Variants in FBXO11 observed in about 807,000 individuals in gnomAD.
The protein encoded by FBXO11 is F-box protein 11, also known as F-box only protein 11.
Under a neutral mutation model 117.0 loss-of-function variants are expected in FBXO11, and 13 were observed. The ratio of observed to expected loss-of-function variants is 0.11; its 90% CI spans 0.07 to 0.18. FBXO11 has a LOEUF of 0.18. Among genes scored for constraint, FBXO11 ranks in the 10% least tolerant of loss-of-function variants. FBXO11 has a pLI of 1.00. For synonymous variants in FBXO11, 490 were observed against 380.5 expected, an observed-to-expected ratio of 1.29 and a Z score of -3.35; for missense variants, 767 against 1,164.4, an observed-to-expected ratio of 0.66 and a Z score of 4.97.
intron 1 of FBXO11, among the ~76,000 whole-genome samples, chr2:47,897,232 G>A (rs1291174709): frequency 2.6e-5 from 4 of 152,082 alleles, no homozygotes; most frequent in East Asian, 1.9e-4. Flanking sequence ...ATGAATGGAA[G>A]ATAGAAAAAT....
At chr2:47,826,922 T>C (rs1671797108) in intron 11 of FBXO11, among the ~76,000 whole-genome samples, 1 of 152,198 alleles carries the variant, frequency 6.6e-6, no homozygotes, top group Admixed American at 6.5e-5. Flanking sequence ...TACATTTACA[T>C]TAGGTTTACC....
chr2:47,851,014 A>G (rs1187059740), intron 1 of FBXO11, among the ~76,000 whole-genome samples: 1 of 152,234 alleles, frequency 6.6e-6, no homozygotes, highest in Non-Finnish European at 1.5e-5. Flanking sequence ...AGTAACTTCC[A>G]AAGATTTAAA....
intron 1 of FBXO11, among the ~76,000 whole-genome samples, chr2:47,881,839 C>G (rs1304691879): frequency 6.6e-6 from 1 of 152,090 alleles, no homozygotes; most frequent in African/African-American, 2.4e-5. Flanking sequence ...CATCTACCTC[C>G]CAGGTTCAAG....
intron 1 of FBXO11, among the ~76,000 whole-genome samples, chr2:47,853,472 T>C (rs1674036747): frequency 6.6e-6 from 1 of 152,178 alleles, no homozygotes; most frequent in Non-Finnish European, 1.5e-5. Context: ...TATTAATAGG[T>C]AGCTCCTCAG....
rs143461000 is a variant in FBXO11 at position 47,857,138 on chromosome 2, C to G, written c.233-17369G>C. On this transcript the variant is annotated intron_variant, in intron 1 of 22. Transcript: ENST00000403359. Reference sequence around the variant, plus strand: ...TTGCACACAATTCTTTTAATTAGGGCACCAGATTTCCAAGTCTGCATACCT... The same window carrying G: ...TTGCACACAATTCTTTTAATTAGGGGACCAGATTTCCAAGTCTGCATACCT... 1.4e-4 allele frequency among the ~76,000 whole-genome samples: 21 copies of G among 152,290 alleles called. 1 individual carries two copies. The highest frequency in any genetic ancestry group is 4.8e-4 in the African/African-American group (20 of 41,564).
chr2:47,900,732 G>A (rs1354993901), intron 1 of FBXO11, among the ~76,000 whole-genome samples: 3 of 89,096 alleles, frequency 3.4e-5, no homozygotes, highest in African/African-American at 1.3e-4. Context: ...ATACACACAC[G>A]TGTATATATA....
At chr2:47,901,344 A>G (rs1450405980) in intron 1 of FBXO11, among the ~76,000 whole-genome samples, 1 of 151,668 alleles carries the variant, frequency 6.6e-6, no homozygotes, top group Non-Finnish European at 1.5e-5. Flanking sequence ...TCACAATTAG[A>G]TTTTCAGCAC....
chr2:47,853,603 G>C (rs1319775377), intron 1 of FBXO11, among the ~76,000 whole-genome samples: 1 of 152,010 alleles, frequency 6.6e-6, no homozygotes. Context: ...CTGTTATCTT[G>C]CATAAGTACC....
chr2:47,851,464 T>G (rs1377451141), intron 1 of FBXO11, among the ~76,000 whole-genome samples: 1 of 152,098 alleles, frequency 6.6e-6, no homozygotes, highest in Non-Finnish European at 1.5e-5. Flanking sequence ...CCTGACCTCA[T>G]GCTCCACCCA....
intron 1 of FBXO11, among the ~76,000 whole-genome samples, chr2:47,893,923 T>A (rs568088000): frequency 6.6e-6 from 1 of 152,234 alleles, no homozygotes; most frequent in Non-Finnish European, 1.5e-5. Context: ...AAGGGCAGTC[T>A]CCTCCACACT....
At position 47,882,709 on chromosome 2, in the gene FBXO11, T is replaced by TG. The variant is rs1676523436; in HGVS notation, c.232+22779dup. On this transcript the variant is annotated intron_variant, in intron 1 of 22. Coordinates refer to ENST00000403359, the MANE Select transcript of FBXO11 (RefSeq NM_001190274.2). ...CTCTGTTGCCCAGGCTCAAGTGCAG[T>TG]GGGGCAATTTTGGCTTATTGCAATC... Among the ~76,000 whole-genome samples, 3 of 152,200 alleles carry TG rather than the reference T, an allele frequency of 2.0e-5. No individual in the cohort carries two copies. The South Asian group carries it at 6.2e-4, about 32-fold the overall frequency.
intron 1 of FBXO11, among the ~76,000 whole-genome samples, chr2:47,882,998 G>A (rs1676548616): frequency 6.6e-6 from 1 of 152,032 alleles, no homozygotes; most frequent in South Asian, 2.1e-4. Flanking sequence ...CACATTTTAT[G>A]TCCTCCTGTT....
intron 1 of FBXO11, among the ~76,000 whole-genome samples, chr2:47,898,359 T>A (rs930147469): frequency 6.6e-6 from 1 of 152,174 alleles, no homozygotes; most frequent in African/African-American, 2.4e-5. Flanking sequence ...AAGCTACACA[T>A]ATAAGAAACA....
chr2:47,902,403 G>GT (rs1387397477), intron 1 of FBXO11, among the ~76,000 whole-genome samples: 1 of 152,204 alleles, frequency 6.6e-6, no homozygotes, highest in Non-Finnish European at 1.5e-5. Flanking sequence ...TACGTGGGGT[G>GT]TAAGAAATGC....
At chr2:47,864,508 A>C (rs1464482533) in intron 1 of FBXO11, among the ~76,000 whole-genome samples, 1 of 152,064 alleles carries the variant, frequency 6.6e-6, no homozygotes, top group Non-Finnish European at 1.5e-5. Context: ...AATTGCTTGA[A>C]CCCGGGAGGC....
intron 1 of FBXO11, among the ~76,000 whole-genome samples, chr2:47,893,285 C>T (rs1677400971): frequency 6.6e-6 from 1 of 152,128 alleles, no homozygotes; most frequent in Non-Finnish European, 1.5e-5. Flanking sequence ...GTCTTGCAAA[C>T]AGTCTACGGC....
At chr2:47,858,970 C>T (rs1330608715) in intron 1 of FBXO11, among the ~76,000 whole-genome samples, 2 of 143,686 alleles carry the variant, frequency 1.4e-5, no homozygotes, top group Non-Finnish European at 3.0e-5. Flanking sequence ...ATCCGGGAGG[C>T]GGAGGTCGCA....
chr2:47,870,396 T>C (rs939761962), intron 1 of FBXO11, among the ~76,000 whole-genome samples: 1 of 152,174 alleles, frequency 6.6e-6, no homozygotes, highest in Non-Finnish European at 1.5e-5. Flanking sequence ...AACGTGGCCA[T>C]ATTTGGAAAT....
At chr2:47,824,714 G>A (rs1671621722) in intron 11 of FBXO11, among the ~76,000 whole-genome samples, 1 of 152,120 alleles carries the variant, frequency 6.6e-6, no homozygotes, top group Non-Finnish European at 1.5e-5. Context: ...AAAAACGTGA[G>A]ATGATTATGA....
Sources: allele counts gnomAD v4.1 joint callset (sites outside exome capture counted in the v4.1 genomes callset), GRCh38; gene constraint gnomAD v4.1.1; transcripts MANE v1.5; gene names NCBI Gene and HGNC (gene_info 2026-07-23, HGNC 2026-07-21).